CSMD1: variants seen among roughly 807,000 people sequenced by gnomAD.
CSMD1 encodes CUB and sushi domain-containing protein 1.
Under a neutral mutation model 417.5 loss-of-function variants are expected in CSMD1, and 213 were observed. The ratio of observed to expected loss-of-function variants is 0.51; its 90% CI spans 0.46 to 0.57. CSMD1 has a LOEUF of 0.57. Ranked by LOEUF, CSMD1 falls within the 20% of genes least tolerant of loss-of-function variation. The pLI is 0.00. For synonymous variants in CSMD1, 2,862 were observed against 1,736.8 expected, an observed-to-expected ratio of 1.65 and a Z score of -16.11; for missense variants, 6,923 against 4,529.7, an observed-to-expected ratio of 1.53 and a Z score of -15.17.
rs148179648 is a variant in CSMD1, at chr8:4,806,823, G to A, written c.86-169265C>T. 4.1e-3 allele frequency among the ~76,000 whole-genome samples: 628 copies of A among 152,218 alleles called. 3 individuals carry two copies. The highest frequency in any genetic ancestry group is 7.2e-3 in the Non-Finnish European group (492 of 68,022). On this transcript the variant is annotated intron_variant, in intron 1 of 69. Coordinates refer to ENST00000635120, the MANE Select transcript of CSMD1 (RefSeq NM_033225.6). ...TTCTCATGCTATGAATTTGAGGGAA[G>A]CAGTAAAAGATGAAGGTGTCATAAA...
At chr8:3,254,102 T>G (rs1309029510) in intron 26 of CSMD1, among the ~76,000 whole-genome samples, 1 of 152,208 alleles carries the variant, frequency 6.6e-6, no homozygotes, top group Non-Finnish European at 1.5e-5. Flanking sequence ...TTTGCTTGTC[T>G]GTAAAGGATT....
At chr8:4,876,702 A>G (rs1275072970) in intron 1 of CSMD1, among the ~76,000 whole-genome samples, 1 of 152,044 alleles carries the variant, frequency 6.6e-6, no homozygotes, top group Non-Finnish European at 1.5e-5. Context: ...CTTCTGTGCT[A>G]ATTTCTAAGA....
chr8:4,291,307 G>C (rs1251103454), intron 3 of CSMD1, among the ~76,000 whole-genome samples: 2 of 151,996 alleles, frequency 1.3e-5, no homozygotes, highest in African/African-American at 2.4e-5. Context: ...ATATTTAAAA[G>C]CTAGGGATAA....
At chr8:3,178,263 G>A (rs1821065952) in intron 37 of CSMD1, among the ~76,000 whole-genome samples, 1 of 152,054 alleles carries the variant, frequency 6.6e-6, no homozygotes, top group Non-Finnish European at 1.5e-5. Flanking sequence ...GATGTACTAT[G>A]GTTAAGGGGG....
At chr8:4,014,636 G>C (rs1056014582) in intron 4 of CSMD1, among the ~76,000 whole-genome samples, 3 of 152,174 alleles carry the variant, frequency 2.0e-5, no homozygotes, top group Non-Finnish European at 4.4e-5. Context: ...AACAAATTCA[G>C]AGCCTGGGTC....
At position 3,399,391 on chromosome 8, in the gene CSMD1, C is replaced by A. The variant is rs755106670; in HGVS notation, c.2405G>T (p.Arg802Ile). The part of the protein sequence containing the change: ...PGHSIKITFD[R>I]FQTEVNYDTL... The stretch of plus-strand genomic sequence containing the variant: ...AAATGAAGACTAATTTTTTTCTTAC[C>A]TGTCAAAAGTTATTTTGATAGAGTG... Residue 802 changes from arginine (R) to isoleucine (I), a missense_variant and splice_region_variant, in exon 16 of 70, where the codon AGA (arginine) becomes ATA (isoleucine). Transcript: ENST00000635120. 3 of 1,593,168 alleles carry A rather than the reference C, an allele frequency of 1.9e-6. No individual in the cohort carries two copies. In the Admixed American group the frequency reaches 5.3e-5, roughly 28 times the overall value.
At chr8:4,724,345 T>A (rs1809269318) in intron 1 of CSMD1, among the ~76,000 whole-genome samples, 1 of 152,080 alleles carries the variant, frequency 6.6e-6, no homozygotes, top group Non-Finnish European at 1.5e-5. Flanking sequence ...GAGCTAATAA[T>A]GCCCATTAAA....
intron 23 of CSMD1, among the ~76,000 whole-genome samples, chr8:3,330,897 A>G (rs959443624): frequency 1.3e-5 from 2 of 152,228 alleles, no homozygotes; most frequent in Admixed American, 1.3e-4. Flanking sequence ...AAATGCTAAA[A>G]TATTACTTCT....
intron 49 of CSMD1, among the ~76,000 whole-genome samples, chr8:3,079,102 A>G (rs2129002363): frequency 6.6e-6 from 1 of 152,284 alleles, no homozygotes; most frequent in East Asian, 1.9e-4. Flanking sequence ...CCTGACTGCA[A>G]CTGCACTGCA....
intron 3 of CSMD1, among the ~76,000 whole-genome samples, chr8:4,152,978 T>C (rs1331835429): frequency 3.3e-5 from 5 of 152,216 alleles, no homozygotes; most frequent in Non-Finnish European, 4.4e-5. Context: ...ATTTTTCTGC[T>C]ATGACAAGGT....
chr8:3,339,093 G>T (rs530713118), intron 23 of CSMD1, among the ~76,000 whole-genome samples: 53 of 149,810 alleles, frequency 3.5e-4, no homozygotes, highest in African/African-American at 1.3e-3. Context: ...GTGTTTGGTT[G>T]TTTGTTCTTG....
chr8:4,736,135 G>C (rs901355993), intron 1 of CSMD1, among the ~76,000 whole-genome samples: 1 of 152,052 alleles, frequency 6.6e-6, no homozygotes, highest in Non-Finnish European at 1.5e-5. Context: ...TCTTCTACTG[G>C]ATTAACTCAT....
intron 3 of CSMD1, among the ~76,000 whole-genome samples, chr8:4,132,914 G>C (rs888864423): frequency 6.6e-6 from 1 of 152,010 alleles, no homozygotes; most frequent in African/African-American, 2.4e-5. Context: ...AAATCCTGAA[G>C]ACTATGGTAA....
chr8:3,944,457 G>T lies in CSMD1; in HGVS notation c.818+53446C>A, dbSNP rs550066996. Among the ~76,000 whole-genome samples, 308 of 151,710 alleles carry T rather than the reference G, an allele frequency of 2.0e-3. 3 individuals are homozygous for T. The highest frequency in any genetic ancestry group is 0.014 in the South Asian group (67 of 4,796). On this transcript the variant is annotated intron_variant, in intron 5 of 69. Transcript: ENST00000635120. ...GATAAAATAAGCCTTTCTAGTTTTG[G>T]TTTTTTTTCCCTGAAAGTTTTGATG...
intron 37 of CSMD1, among the ~76,000 whole-genome samples, chr8:3,163,853 C>A (rs780303045): frequency 6.6e-6 from 1 of 152,146 alleles, no homozygotes; most frequent in South Asian, 2.1e-4. Context: ...CATAGCCAGG[C>A]TCCTTGTGTC....
chr8:3,308,394 C>G lies in CSMD1; in HGVS notation c.3741G>C (p.Gly1247=). ...GGGTGTTGCTGCCATGCATGGCGTA[C>G]CCCGGGTTGCAACTGTACAGAACTA... The part of the protein sequence containing the change: ...DTVVLYSCNP[G]YAMHGSNTLT... Residue 1247 remains glycine (G), a synonymous_variant, in exon 24 of 70, where the codon GGG becomes GGC. Coordinates refer to ENST00000635120, the MANE Select transcript of CSMD1 (RefSeq NM_033225.6). 2 of 1,613,768 alleles carry G rather than the reference C, an allele frequency of 1.2e-6. No homozygotes were observed. Among genetic ancestry groups the G allele is most frequent in the Non-Finnish European group, 1.7e-6 (2 of 1,179,790 alleles).
At chr8:3,264,149 G>C (rs892141913) in intron 26 of CSMD1, among the ~76,000 whole-genome samples, 11 of 152,070 alleles carry the variant, frequency 7.2e-5, no homozygotes, top group Admixed American at 2.0e-4. Context: ...TTTCTAGCAG[G>C]TATGAACAAT....
intron 5 of CSMD1, among the ~76,000 whole-genome samples, chr8:3,774,774 G>A (rs1798809134): frequency 6.6e-6 from 1 of 152,136 alleles, no homozygotes; most frequent in African/African-American, 2.4e-5. Context: ...GTACAATATG[G>A]ATGACACAGT....
In CSMD1 at chr8:4,583,029, T is replaced by C. The variant is rs147776634; in HGVS notation, c.302+54313A>G. Among the ~76,000 whole-genome samples, 343 of 152,326 alleles carry C rather than the reference T, an allele frequency of 2.3e-3. 1 individual carries two copies. In the East Asian group the frequency reaches 0.029, roughly 13 times the overall value. Reference sequence around the variant, plus strand: ...CAGCAGTGCCAGCCCACCGGCGCTGTGCTCGACTTCTCACCCGGCGTTAGC... The same window carrying C: ...CAGCAGTGCCAGCCCACCGGCGCTGCGCTCGACTTCTCACCCGGCGTTAGC... On this transcript the variant is annotated intron_variant, in intron 2 of 69. Coordinates refer to ENST00000635120, the MANE Select transcript of CSMD1 (RefSeq NM_033225.6).
Sources: gnomAD v4.1 joint callset for allele counts (sites outside exome capture counted in the v4.1 genomes callset) on GRCh38, gnomAD v4.1.1 for gene constraint, MANE v1.5 for transcripts, NCBI Gene and HGNC (gene_info 2026-07-23, HGNC 2026-07-21) for gene names.